The following STRADB variants were observed in gnomAD, a reference collection of about 807,000 sequenced individuals.
The protein encoded by STRADB is STE20 related adaptor beta.
A neutral mutation model predicts 52.1 loss-of-function variants in STRADB; 34 were observed. The ratio of observed to expected loss-of-function variants is 0.65; its 90% CI spans 0.50 to 0.87. STRADB has a LOEUF of 0.87. Ranked by LOEUF, STRADB falls within the 40% of genes least tolerant of loss-of-function variation. STRADB has a pLI of 0.00. For missense variants in STRADB, 340 were observed against 483.9 expected, an observed-to-expected ratio of 0.70 and a Z score of 2.79; for synonymous variants, 133 against 174.5, an observed-to-expected ratio of 0.76 and a Z score of 1.87.
intron 3 of STRADB, among the ~76,000 whole-genome samples, chr2:201,468,755 C>G (rs111231698): frequency 6.6e-6 from 1 of 152,100 alleles, no homozygotes; most frequent in Non-Finnish European, 1.5e-5. Flanking sequence ...CTAGCCTTCC[C>G]GACAGGCTTA....
chr2:201,471,006 G>A (rs1214763030), intron 4 of STRADB, among the ~76,000 whole-genome samples: 1 of 152,120 alleles, frequency 6.6e-6, no homozygotes, highest in Non-Finnish European at 1.5e-5. Context: ...ACCAGACGCT[G>A]GCCCCCTGCT....
At position 201,480,772 on chromosome 2, in the gene STRADB, C is replaced by T; in HGVS notation, c.*597C>T. 2 of 985,694 alleles carry T rather than the reference C, an allele frequency of 2.0e-6. No individual in the cohort carries two copies. The highest frequency in any genetic ancestry group is 2.4e-6 in the Non-Finnish European group (2 of 829,848). 61.1% of individuals were successfully genotyped at this position (985,694 alleles called of 1,614,324 possible). On this transcript the variant is annotated 3_prime_UTR_variant, in exon 12 of 12. Coordinates refer to ENST00000194530, the MANE Select transcript of STRADB (RefSeq NM_018571.6). ...TTTAAACAAGGGGGCTAAAGTAACA[C>T]TTTCCTACTTATGTAAATTATAGAT...
At chr2:201,464,476 C>G (rs1439159520) in intron 3 of STRADB, among the ~76,000 whole-genome samples, 2 of 152,150 alleles carry the variant, frequency 1.3e-5, no homozygotes, top group Non-Finnish European at 2.9e-5. Flanking sequence ...CTGCCTGGAG[C>G]TGGGCGAGGG....
At chr2:201,477,052 GTTTTTTTTTTTTT>G (rs1221462406) in intron 7 of STRADB, among the ~76,000 whole-genome samples, 25 of 57,056 alleles carry the variant, frequency 4.4e-4, no homozygotes, top group South Asian at 8.3e-4. Context: ...AATATTATCA[GTTTTTTTTTTTTT>G]TTTTTTTTTT....
chr2:201,477,566 C>A, intron 7 of STRADB, 53 bp from the exon 8 acceptor site: 1 of 1,523,778 alleles, frequency 6.6e-7, no homozygotes, highest in Admixed American at 1.8e-5. Context: ...GATTTTTATT[C>A]TTTCTTCATT....
rs1381533800 is a variant in STRADB at position 201,451,838 on chromosome 2, A to G, written c.-196A>G. ...CGCGCCCCGCGCCGGGAGCGGGCCT[A>G]GAGCGCTCGCCTCGCCCCTCCGCGA... On this transcript the variant is annotated 5_prime_UTR_variant, in exon 1 of 12. Coordinates refer to ENST00000194530, the MANE Select transcript of STRADB (RefSeq NM_018571.6). 1 of 152,208 alleles carries G rather than the reference A, an allele frequency of 6.6e-6. No homozygotes were observed. Among genetic ancestry groups the G allele is most frequent in the East Asian group, 1.9e-4 (1 of 5,142 alleles). 9.4% of individuals were successfully genotyped at this position (152,208 alleles called of 1,614,324 possible). A position where few individuals can be genotyped will look rare whatever the true frequency, so the allele number is the denominator to read the frequency against.
intron 6 of STRADB, 92 bp from the exon 7 acceptor site, chr2:201,475,527 G>GT (rs1274437834): frequency 2.0e-5 from 30 of 1,483,666 alleles, no homozygotes; most frequent in Non-Finnish European, 2.6e-5. Context: ...TAACAGGTAT[G>GT]TTTGTGTTTA....
At chr2:201,468,118 C>A in intron 3 of STRADB, among the ~76,000 whole-genome samples, 1 of 98,158 alleles carries the variant, frequency 1.0e-5, no homozygotes, top group East Asian at 2.5e-4. Context: ...TGGTAATTAG[C>A]TATGCCCAAC....
At chr2:201,462,898 C>T (rs1477074610) in intron 3 of STRADB, among the ~76,000 whole-genome samples, 1 of 152,190 alleles carries the variant, frequency 6.6e-6, no homozygotes, top group Non-Finnish European at 1.5e-5. Context: ...TTTCTTACTG[C>T]TCGTTAACAA....
intron 1 of STRADB, among the ~76,000 whole-genome samples, chr2:201,454,098 T>G (rs1206592826): frequency 1.3e-5 from 2 of 152,200 alleles, no homozygotes; most frequent in Non-Finnish European, 1.5e-5. Flanking sequence ...GTTGGTTAGA[T>G]GTAAAGGGAT....
intron 5 of STRADB, 132 bp from the exon 6 acceptor site, chr2:201,474,515 A>C (rs764834129): frequency 9.4e-6 from 6 of 635,526 alleles, no homozygotes; most frequent in African/African-American, 7.7e-5. Flanking sequence ...TGAGATTTAA[A>C]TAGATAAAAG....
intron 2 of STRADB, among the ~76,000 whole-genome samples, chr2:201,457,099 T>C (rs371807492): frequency 4.6e-5 from 7 of 152,210 alleles, no homozygotes; most frequent in African/African-American, 1.7e-4. Context: ...GCGATTCTTA[T>C]GAAGGGAACC....
intron 2 of STRADB, chr2:201,457,581 T>C (rs757504643): frequency 2.0e-5 from 3 of 152,216 alleles, no homozygotes; most frequent in Non-Finnish European, 4.4e-5. Context: ...CTAGTTTGAT[T>C]AGTGAGAAAT....
At chr2:201,479,641 C>T (rs1952538527) in intron 11 of STRADB, 110 bp downstream of exon 11, 6 of 1,077,912 alleles carry the variant, frequency 5.6e-6, no homozygotes, top group Non-Finnish European at 6.7e-6. Flanking sequence ...TTACTAATAA[C>T]TTTGTTACAA....
chr2:201,478,624 A>G (rs1426819533), intron 10 of STRADB, 23 bp downstream of exon 10: 1 of 1,605,992 alleles, frequency 6.2e-7, no homozygotes, highest in Non-Finnish European at 8.5e-7. Context: ...TCTTTTAAAT[A>G]GCACAAAATG....
intron 4 of STRADB, among the ~76,000 whole-genome samples, chr2:201,471,401 T>C (rs1447330827): frequency 1.3e-5 from 2 of 152,230 alleles, no homozygotes; most frequent in Non-Finnish European, 2.9e-5. Flanking sequence ...CCCTCCTTAT[T>C]ACTCAGAGGA....
rs1408610295 is a variant in STRADB at position 201,477,616 on chromosome 2, T to A, written c.549-3T>A. 4.4e-6 allele frequency: 7 copies of A among 1,601,688 alleles called. No individual in the cohort carries two copies. The highest frequency in any genetic ancestry group is 6.0e-6 in the Non-Finnish European group (7 of 1,170,778). On this transcript the variant is annotated splice_region_variant and splice_polypyrimidine_tract_variant and intron_variant, in intron 7 of 11. Transcript: ENST00000194530. ...TACTTAGCATTGTTTCTTTTTGTTC[T>A]AGGAGTATTAAAGCCAGCCATATCC...
chr2:201,473,007 A>G lies in STRADB; in HGVS notation c.246A>G (p.Thr82=), dbSNP rs1019299. The G allele has an allele frequency of 0.68, 1,096,616 of 1,610,936 alleles. 375,375 individuals are homozygous for G. Among genetic ancestry groups the G allele is most frequent in the South Asian group, 0.83 (75,479 of 90,584 alleles). The change falls in exon 5 of 12, where the codon ACA becomes ACG. Residue 82 remains threonine (T), a synonymous_variant. Transcript: ENST00000194530. ...TCCATCTTGCACGGCATACTCCCACAGGAACACTGGTAACTATAAAAATTA... is the reference window on the plus strand; with the variant it reads ...TCCATCTTGCACGGCATACTCCCACGGGAACACTGGTAACTATAAAAATTA... ...TSVHLARHTP[T]GTLVTIKITN... is the part of the protein sequence containing the mutation.
At position 201,478,068 on chromosome 2, in the gene STRADB, A is replaced by G. The variant is rs775871139; in HGVS notation, c.721-19A>G. 11 of 1,583,316 alleles carry G rather than the reference A, an allele frequency of 6.9e-6. No homozygotes were observed. The highest frequency in any genetic ancestry group is 3.7e-5 in the Admixed American group (2 of 53,994). On this transcript the variant is annotated intron_variant, in intron 8 of 11. Coordinates refer to ENST00000194530, the MANE Select transcript of STRADB (RefSeq NM_018571.6). The stretch of plus-strand genomic sequence containing the variant: ...AACTTATTTGCACTAAAAGACTTCA[A>G]ATTAATTGTGTCCTACAGGATTTAC...
Sources: gnomAD v4.1 joint callset for allele counts (sites outside exome capture counted in the v4.1 genomes callset) on GRCh38, gnomAD v4.1.1 for gene constraint, MANE v1.5 for transcripts, NCBI Gene and HGNC (gene_info 2026-07-23, HGNC 2026-07-21) for gene names.